The following FBF1 variants were observed in gnomAD, a reference collection of about 807,000 sequenced individuals.
FBF1 encodes the protein Fas binding factor 1, also known as fas-binding factor 1.
In FBF1, 119 loss-of-function variants were observed where a neutral mutation model predicts 147.2. The ratio of observed to expected loss-of-function variants is 0.81; its 90% CI spans 0.70 to 0.94. FBF1 has a LOEUF of 0.94. FBF1 is among the 40% of genes least tolerant of loss of function. The pLI is 0.00. For synonymous variants in FBF1, 601 were observed against 609.0 expected, an observed-to-expected ratio of 0.99 and a Z score of 0.19; for missense variants, 1,449 against 1,500.8, an observed-to-expected ratio of 0.97 and a Z score of 0.57.
rs2065517073 is a variant in FBF1, at chr17:75,920,265, G to GC, written c.1830+8dup. On this transcript the variant is annotated intron_variant, in intron 18 of 29. Transcript: ENST00000636174. ...TGCCACCAGCACCAACGGCCCCGCT[G>GC]CCCCTCACCTGGGCCTCCAGCTCTG... is the stretch of plus-strand genomic sequence containing the variant. The GC allele has an allele frequency of 6.2e-7, 1 of 1,607,106 alleles. No individual in the cohort carries two copies. The highest frequency in any genetic ancestry group is 2.2e-5 in the East Asian group (1 of 44,752).
chr17:75,935,521 G>A (rs1450167721), intron 4 of FBF1, 111 bp downstream of exon 4: 20 of 1,147,184 alleles, frequency 1.7e-5, no homozygotes, highest in Non-Finnish European at 2.4e-5. Flanking sequence ...GGTTTAGGAG[G>A]CGGGAGGATC....
At chr17:75,926,932 C>T (rs1363159008) in intron 9 of FBF1, 55 bp from the exon 10 acceptor site, 1 of 1,568,316 alleles carries the variant, frequency 6.4e-7, no homozygotes, top group Non-Finnish European at 8.7e-7. Context: ...TGAGGAAAAG[C>T]AAGCCTGAAC....
chr17:75,932,877 CTA>C, intron 5 of FBF1, 116 bp downstream of exon 5: 1 of 569,648 alleles, frequency 1.8e-6, no homozygotes, highest in East Asian at 3.1e-5. Flanking sequence ...CAAATATTCT[CTA>C]AAAAAAAAAA....
Position 75,925,433 on chromosome 17 carries a change from C to T in FBF1, c.882G>A (p.Met294Ile), listed in dbSNP as rs749153238. 1.2e-6 allele frequency: 2 copies of T among 1,613,408 alleles called. No homozygotes were observed. The highest frequency in any genetic ancestry group is 1.3e-5 in the African/African-American group (1 of 75,038). ...KYQRPQDSED[M>I]WGDEDFTFGA... ...CAAAGGTGAAGTCCTCGTCACCCCACATATCTTCACTGTCTGTGAATTAAG... is the reference window on the plus strand; with the variant it reads ...CAAAGGTGAAGTCCTCGTCACCCCATATATCTTCACTGTCTGTGAATTAAG... Residue 294 changes from methionine (M) to isoleucine (I), a missense_variant, in exon 13 of 30, where the codon ATG becomes ATA. Coordinates refer to ENST00000636174, the MANE Select transcript of FBF1 (RefSeq NM_001319193.2). This position sits in a 1 kb window ranked among gnomAD's most constrained non-coding sequence, Gnocchi z 5.0.
intron 1 of FBF1, chr17:75,939,866 C>T (rs1035377223): frequency 6.6e-6 from 1 of 152,216 alleles, no homozygotes; most frequent in Non-Finnish European, 1.5e-5. Flanking sequence ...TCTTTATGTC[C>T]CAAGTATTGG....
rs778205645 is a variant in FBF1 at position 75,920,311 on chromosome 17, A to G, written c.1793T>C (p.Leu598Pro). 6.2e-7 allele frequency: 1 copy of G among 1,611,282 alleles called. No individual in the cohort carries two copies. ...CSPAELQAEL[L>P]HSQARLAELE... ...CTCTGCCAGCCGGGCCTGGCTATGC[A>G]GCAGCTCGGCCTGGAGCTCAGCGGG... The change falls in exon 18 of 30, where the codon CTG becomes CCG. Residue 598 changes from leucine to proline, a missense_variant. Coordinates refer to ENST00000636174, the MANE Select transcript of FBF1 (RefSeq NM_001319193.2).
Position 75,909,985 on chromosome 17 carries a change from G to A in FBF1, c.*738C>T. On this transcript the variant is annotated 3_prime_UTR_variant, in exon 30 of 30. Coordinates refer to ENST00000636174, the MANE Select transcript of FBF1 (RefSeq NM_001319193.2). ...GCTGAGCTGGGCTTTGGGCAGGTGA[G>A]CAGCACAGAGGCTTCCCTCCTCGTC... is the stretch of plus-strand genomic sequence containing the variant. 2.9e-6 allele frequency: 2 copies of A among 691,924 alleles called. No homozygotes were observed. Among genetic ancestry groups the A allele is most frequent in the Non-Finnish European group, 2.6e-6 (1 of 378,480 alleles). 42.9% of individuals were successfully genotyped at this position (691,924 alleles called of 1,614,324 possible).
intron 3 of FBF1, 144 bp downstream of exon 3, chr17:75,937,422 G>A (rs953603262): frequency 2.9e-5 from 23 of 782,530 alleles, no homozygotes; most frequent in Admixed American, 1.1e-4. Flanking sequence ...CACCCACCTC[G>A]GCCTCCCAAA....
chr17:75,911,882 G>A (rs986522409), intron 29 of FBF1, among the ~76,000 whole-genome samples: 1 of 152,118 alleles, frequency 6.6e-6, no homozygotes, highest in Non-Finnish European at 1.5e-5. Flanking sequence ...AAACTCCTGG[G>A]CTCAAGTGAT....
chr17:75,918,808 T>C lies in FBF1; in HGVS notation c.2139-539A>G, dbSNP rs1405418246. Among the ~76,000 whole-genome samples, 6 of 147,050 alleles carry C rather than the reference T, an allele frequency of 4.1e-5. No homozygotes were observed. The East Asian group carries it at 1.2e-3, about 30-fold the overall frequency. On this transcript the variant is annotated intron_variant, in intron 20 of 29. Transcript: ENST00000636174. The surrounding 1 kb of genome is among the most constrained non-coding windows in gnomAD (Gnocchi z 5.8). ...CGCCCGGCCCCAAGCAGTCTTTCTT[T>C]TTTTTTTTTTTTTTCCTAGAGATGA...
chr17:75,935,166 A>ATTTT (rs556762409), intron 4 of FBF1, among the ~76,000 whole-genome samples: 1 of 142,464 alleles, frequency 7.0e-6, no homozygotes, highest in Non-Finnish European at 1.5e-5. Context: ...ATTACATCTC[A>ATTTT]TTTTTTTTTT....
chr17:75,929,964 C>CCCCCCCCCCCAAAAA, intron 7 of FBF1, 33 bp downstream of exon 7: 1 of 1,402,194 alleles, frequency 7.1e-7, no homozygotes, highest in Non-Finnish European at 9.9e-7. Flanking sequence ...CACCCACCCC[C>CCCCCCCCCCCAAAAA]AGTTCTAAGA....
At chr17:75,911,424 G>A (rs1182662693) in intron 29 of FBF1, among the ~76,000 whole-genome samples, 1 of 152,206 alleles carries the variant, frequency 6.6e-6, no homozygotes, top group Non-Finnish European at 1.5e-5. Context: ...GAACACACCT[G>A]TAGCCTCGAC....
chr17:75,914,003 G>A lies in FBF1; in HGVS notation c.3039C>T (p.Ala1013=). ...YEEGERALRE[A]QQVQAEQQAR... ...CCTGCTGCTCTGCCTGCACCTGCTG[G>A]GCCTCGCGCAATGCCCGCTCCCCCT... Residue 1013 remains alanine, a synonymous_variant, in exon 27 of 30, where the codon GCC becomes GCT. Transcript: ENST00000636174. The A allele has an allele frequency of 6.3e-7, 1 of 1,578,160 alleles. No individual in the cohort carries two copies. Among genetic ancestry groups the A allele is most frequent in the South Asian group, 1.1e-5 (1 of 87,242 alleles).
chr17:75,936,421 G>C (rs750513969), intron 3 of FBF1, among the ~76,000 whole-genome samples: 11 of 152,096 alleles, frequency 7.2e-5, no homozygotes, highest in African/African-American at 1.2e-4. Flanking sequence ...GAACCTGGGA[G>C]GCAGAGGTTG....
rs2065453362 is a variant in FBF1 at position 75,910,911 on chromosome 17, G to A, written c.3364-105C>T. Reference sequence around the variant, plus strand: ...CGTCACTGAGGCCCCTCCCCACATCGTCCCTGACTCTGCCTGGCTCTGGGA... The same window carrying A: ...CGTCACTGAGGCCCCTCCCCACATCATCCCTGACTCTGCCTGGCTCTGGGA... On this transcript the variant is annotated intron_variant, in intron 29 of 29. Coordinates refer to ENST00000636174, the MANE Select transcript of FBF1 (RefSeq NM_001319193.2). The surrounding 1 kb of genome is among the most constrained non-coding windows in gnomAD (Gnocchi z 4.1). 2.1e-6 allele frequency: 2 copies of A among 936,832 alleles called. No homozygotes were observed. The highest frequency in any genetic ancestry group is 1.5e-5 in the South Asian group (1 of 67,274). The allele number at this position is 936,832 out of a possible 1,614,324, so 58.0% of individuals were successfully genotyped here. A position where few individuals can be genotyped will look rare whatever the true frequency, so the allele number is the denominator to read the frequency against.
rs1270931803 is a variant in FBF1 at position 75,918,238 on chromosome 17, C to T, written c.2170G>A (p.Glu724Lys). 5.6e-6 allele frequency: 9 copies of T among 1,613,294 alleles called. No homozygotes were observed. The highest frequency in any genetic ancestry group is 4.5e-5 in the East Asian group (2 of 44,876). ...AGCTTTAGCCGCTGCAGCTGCTCCT[C>T]GTGGTCTCTGCGCATGTCTAGGATG... ...ASILDMRRDH[E>K]EQLQRLKLLK... The change falls in exon 21 of 30, where the codon GAG becomes AAG. Residue 724 changes from glutamate (E) to lysine (K), a missense_variant. Transcript: ENST00000636174. This position sits in a 1 kb window ranked among gnomAD's most constrained non-coding sequence, Gnocchi z 5.8.
chr17:75,932,114 C>T (rs9912357), intron 5 of FBF1, among the ~76,000 whole-genome samples: 2,730 of 152,266 alleles, frequency 0.018, 78 homozygotes, highest in African/African-American at 0.055. Flanking sequence ...GGCGCGGTGG[C>T]GCACGCCTGT....
In FBF1 at chr17:75,910,786, A is replaced by G. The variant is rs2065452385; in HGVS notation, c.3384T>C (p.Asn1128=). The G allele has an allele frequency of 6.2e-7, 1 of 1,610,848 alleles. No homozygotes were observed. Among genetic ancestry groups the G allele is most frequent in the African/African-American group, 1.3e-5 (1 of 74,894 alleles). ...TCAGGGTCTCCAGGAAGAACTGTTC[A>G]TTCTCCAAGAAGTCACGGTCCTGCA... ...MAEQDRDFLE[N]EQFFLETLKK... Residue 1128 remains asparagine (N), a synonymous_variant, in exon 30 of 30, where the codon AAT becomes AAC. Coordinates refer to ENST00000636174, the MANE Select transcript of FBF1 (RefSeq NM_001319193.2). The surrounding 1 kb of genome is among the most constrained non-coding windows in gnomAD (Gnocchi z 4.1).
Sources: gnomAD v4.1 joint callset for allele counts (sites outside exome capture counted in the v4.1 genomes callset) on GRCh38, gnomAD v4.1.1 for gene constraint, Gnocchi (gnomAD v3.1) non-coding constraint, MANE v1.5 for transcripts, NCBI Gene and HGNC (gene_info 2026-07-23, HGNC 2026-07-21) for gene names.